The following UGT1A8 variants were observed in gnomAD, a reference collection of about 807,000 sequenced individuals.
UGT1A8 encodes the protein UDP-glucuronosyltransferase 1A8.
UGT1A8 carries 39 observed loss-of-function variants against 45.3 expected under a neutral mutation model. That is an observed-to-expected ratio of 0.86 (90% CI 0.67 to 1.12). The LOEUF is 1.12. Ranked by LOEUF, UGT1A8 falls within the 50% of genes most tolerant of loss-of-function variation. The pLI is 0.00. For missense variants in UGT1A8, 719 were observed against 664.9 expected (o/e 1.08, Z -0.90); for synonymous variants, 275 against 249.2 (o/e 1.10, Z -0.97).
At chr2:233,709,103 C>A (rs1294540845) in intron 1 of UGT1A8, among the ~76,000 whole-genome samples, 1 of 152,082 alleles carries the variant, frequency 6.6e-6, no homozygotes, top group African/African-American at 2.4e-5. Flanking sequence ...GTCACATGCC[C>A]ATCTCTGAAC....
At chr2:233,668,919 G>T (rs181115232) in intron 1 of UGT1A8, among the ~76,000 whole-genome samples, 29 of 152,272 alleles carry the variant, frequency 1.9e-4, no homozygotes, top group Admixed American at 1.5e-3. Context: ...CCTTGGTTTT[G>T]ATTACTTTGT....
chr2:233,741,879 A>G (rs775156771), intron 1 of UGT1A8: 10 of 151,838 alleles, frequency 6.6e-5, no homozygotes, highest in Non-Finnish European at 1.2e-4. Context: ...CTCAGAGGTG[A>G]CCCTAGAAGA....
chr2:233,697,011 C>T (rs1017901649), intron 1 of UGT1A8, among the ~76,000 whole-genome samples: 2 of 151,922 alleles, frequency 1.3e-5, no homozygotes, highest in African/African-American at 2.4e-5. Context: ...CATCTATGTT[C>T]GTCAGAGATA....
At position 233,747,695 on chromosome 2, in the gene UGT1A8, G is replaced by A. The variant is rs569419089; in HGVS notation, c.856-19339G>A. The A allele has an allele frequency of 6.2e-4, 998 of 1,611,470 alleles. 13 individuals carry two copies. In the South Asian group the frequency reaches 7.6e-3, roughly 12 times the overall value. On this transcript the variant is annotated intron_variant, in intron 1 of 4. Coordinates refer to ENST00000373450, the MANE Select transcript of UGT1A8 (RefSeq NM_019076.5). ...CAATTTACCTCTGTGGGGCAGTGCTGGCTAAGTACCTATCAATTCCTGCTG... is the reference window on the plus strand; with the variant it reads ...CAATTTACCTCTGTGGGGCAGTGCTAGCTAAGTACCTATCAATTCCTGCTG...
intron 1 of UGT1A8, chr2:233,649,009 G>A (rs1575400377): frequency 1.5e-6 from 2 of 1,339,552 alleles, no homozygotes; most frequent in Non-Finnish European, 2.1e-6. Context: ...CTGCAATCAG[G>A]GAAAGCCAGT....
intron 1 of UGT1A8, among the ~76,000 whole-genome samples, chr2:233,653,892 C>A (rs1252009906): frequency 6.6e-6 from 1 of 152,152 alleles, no homozygotes; most frequent in Non-Finnish European, 1.5e-5. Flanking sequence ...CCACCACGCC[C>A]GGCCAAGAAA....
At chr2:233,700,807 G>A (rs934184744) in intron 1 of UGT1A8, among the ~76,000 whole-genome samples, 1 of 151,690 alleles carries the variant, frequency 6.6e-6, no homozygotes, top group African/African-American at 2.4e-5. Context: ...GTGCCATGTT[G>A]GTGTGCTGCA....
At chr2:233,756,155 A>G (rs1696135469) in intron 1 of UGT1A8, 2 of 152,312 alleles carry the variant, frequency 1.3e-5, no homozygotes, top group South Asian at 4.1e-4. Context: ...GATCCCTAGG[A>G]TTTCCTGGCT....
At chr2:233,638,068 C>T (rs2125460595) in intron 1 of UGT1A8, among the ~76,000 whole-genome samples, 1 of 152,160 alleles carries the variant, frequency 6.6e-6, no homozygotes, top group Non-Finnish European at 1.5e-5. Flanking sequence ...TATATTCTTG[C>T]TTTTATCTTA....
At chr2:233,757,062 G>C (rs1469367274) in intron 1 of UGT1A8, among the ~76,000 whole-genome samples, 1 of 151,518 alleles carries the variant, frequency 6.6e-6, no homozygotes, top group South Asian at 2.1e-4. Flanking sequence ...GAACAGCAAG[G>C]GATCCAGAAT....
chr2:233,673,987 T>C (rs1200974050), intron 1 of UGT1A8, among the ~76,000 whole-genome samples: 1 of 152,180 alleles, frequency 6.6e-6, no homozygotes, highest in Non-Finnish European at 1.5e-5. Context: ...ATTCAATCAC[T>C]TGTGATTGAA....
At chr2:233,697,557 G>T (rs1418823193) in intron 1 of UGT1A8, among the ~76,000 whole-genome samples, 2 of 146,376 alleles carry the variant, frequency 1.4e-5, no homozygotes, top group Admixed American at 6.8e-5. Flanking sequence ...TGTTTATTTA[G>T]CCTCAATTTA....
intron 1 of UGT1A8, among the ~76,000 whole-genome samples, chr2:233,660,408 G>A (rs898150259): frequency 1.3e-5 from 2 of 152,150 alleles, no homozygotes; most frequent in Admixed American, 6.6e-5. Context: ...GGTTCTGGAT[G>A]GCTAGAGGCA....
intron 4 of UGT1A8, chr2:233,771,409 C>G (rs1252416049): frequency 6.6e-6 from 1 of 152,166 alleles, no homozygotes; most frequent in Non-Finnish European, 1.5e-5. Flanking sequence ...TGAACACTGT[C>G]CAGAATAAAC....
intron 1 of UGT1A8, among the ~76,000 whole-genome samples, chr2:233,668,130 T>G (rs1428966298): frequency 6.6e-6 from 1 of 152,128 alleles, no homozygotes. Context: ...TATGTATACA[T>G]GTGCCGTGTT....
chr2:233,656,441 C>T (rs1010832570), intron 1 of UGT1A8, among the ~76,000 whole-genome samples: 8 of 152,238 alleles, frequency 5.3e-5, no homozygotes, highest in South Asian at 2.1e-4. Flanking sequence ...AGTCAGTGTC[C>T]GGTGGAGGTG....
chr2:233,649,850 C>T (rs772964329), intron 1 of UGT1A8, among the ~76,000 whole-genome samples: 1 of 152,194 alleles, frequency 6.6e-6, no homozygotes, highest in Admixed American at 6.5e-5. Context: ...TTTGATTTGA[C>T]TGGATCACTT....
At chr2:233,742,247 A>G (rs748626852) in intron 1 of UGT1A8, among the ~76,000 whole-genome samples, 6 of 152,004 alleles carry the variant, frequency 3.9e-5, no homozygotes, top group Non-Finnish European at 7.3e-5. Context: ...ATTTACCCAC[A>G]TATTTATTGA....
At chr2:233,717,127 G>C (rs182084738) in intron 1 of UGT1A8, among the ~76,000 whole-genome samples, 1 of 152,148 alleles carries the variant, frequency 6.6e-6, no homozygotes, top group South Asian at 2.1e-4. Context: ...CATGGAAATA[G>C]AACACCACTA....
Sources: gnomAD v4.1 joint callset for allele counts (sites outside exome capture counted in the v4.1 genomes callset) on GRCh38, gnomAD v4.1.1 for gene constraint, MANE v1.5 for transcripts, NCBI Gene and HGNC (gene_info 2026-07-23, HGNC 2026-07-21) for gene names.